The following SLC25A16 variants were observed in gnomAD, a reference collection of about 807,000 sequenced individuals.
SLC25A16 encodes the protein mitochondrial coenzyme A transporter SLC25A16.
A neutral mutation model predicts 41.5 loss-of-function variants in SLC25A16; 39 were observed. That is an observed-to-expected ratio of 0.94 (90% CI 0.73 to 1.23). The LOEUF is 1.23. SLC25A16 is among the 50% of genes most tolerant of loss of function. SLC25A16 has a pLI of 0.00. For missense variants in SLC25A16, 421 were observed against 426.9 expected, an observed-to-expected ratio of 0.99 and a Z score of 0.12; for synonymous variants, 146 against 147.8, an observed-to-expected ratio of 0.99 and a Z score of 0.09.
At chr10:68,492,816 C>A (rs553262362) in intron 6 of SLC25A16, among the ~76,000 whole-genome samples, 66 of 152,148 alleles carry the variant, frequency 4.3e-4, no homozygotes, top group African/African-American at 1.6e-3. Context: ...TATAATGAGA[C>A]AAAAACCACT....
chr10:68,521,179 T>C (rs189491290), intron 1 of SLC25A16, among the ~76,000 whole-genome samples: 125 of 151,642 alleles, frequency 8.2e-4, no homozygotes, highest in African/African-American at 2.9e-3. Flanking sequence ...ACATTTAATA[T>C]CAAGTGCCAA....
rs899566566 is a variant in SLC25A16, at chr10:68,479,697, G to C, written c.*3735C>G. Reference sequence around the variant, plus strand: ...CGGGTGCTTGTAACCCCAGCTACTCGGGAGGCTGAAGCAGGAGAATCGCTA... The same window carrying C: ...CGGGTGCTTGTAACCCCAGCTACTCCGGAGGCTGAAGCAGGAGAATCGCTA... On this transcript the variant is annotated 3_prime_UTR_variant, in exon 9 of 9. Transcript: ENST00000609923. 1.3e-5 allele frequency: 2 copies of C among 152,238 alleles called. No homozygotes were observed. Among genetic ancestry groups the C allele is most frequent in the Non-Finnish European group, 2.9e-5 (2 of 68,238 alleles). The allele number at this position is 152,238 out of a possible 1,614,324, so 9.4% of individuals were successfully genotyped here.
At chr10:68,506,405 G>T (rs1303162428) in intron 3 of SLC25A16, among the ~76,000 whole-genome samples, 180 bp downstream of exon 3, 1 of 151,106 alleles carries the variant, frequency 6.6e-6, no homozygotes, top group Non-Finnish European at 1.5e-5. Flanking sequence ...TCAAAATCGT[G>T]CCACTGTACC....
rs2052650914 is a variant in SLC25A16, at chr10:68,491,170, TGCCTG to T, written c.610+1957_610+1961del. 2.0e-5 allele frequency among the ~76,000 whole-genome samples: 3 copies of T among 151,696 alleles called. No homozygotes were observed. In the South Asian group the frequency reaches 6.2e-4, roughly 32 times the overall value. On this transcript the variant is annotated intron_variant, in intron 6 of 8. Transcript: ENST00000609923. ...CTGGGATTATAGGTGTGAGCCACCATGCCTGGCCACACCACATTTTAGTTTGCTAT... is the reference window on the plus strand; with the variant it reads ...CTGGGATTATAGGTGTGAGCCACCATGCCACACCACATTTTAGTTTGCTAT...
At chr10:68,509,469 C>T (rs1282885512) in intron 2 of SLC25A16, among the ~76,000 whole-genome samples, 2 of 151,994 alleles carry the variant, frequency 1.3e-5, no homozygotes, top group African/African-American at 4.8e-5. Flanking sequence ...AATCTGAGCA[C>T]TTTGTGGGGC....
chr10:68,483,488 G>T lies in SLC25A16; in HGVS notation c.943C>A (p.Gln315Lys), dbSNP rs767505383. ...TCGTATGTTGTAAAAGCCACTGCTT[G>T]AGAGGGAATACAGCGAATGTAATTA... The part of the protein sequence containing the change: ...SLNYIRCIPS[Q>K]AVAFTTYELM... The change falls in exon 9 of 9, where the codon CAA becomes AAA. Residue 315 changes from glutamine (Q) to lysine (K), a missense_variant. Coordinates refer to ENST00000609923, the MANE Select transcript of SLC25A16 (RefSeq NM_152707.4). 3.7e-6 allele frequency: 6 copies of T among 1,612,546 alleles called. No individual in the cohort carries two copies. The East Asian group carries it at 1.3e-4, about 36-fold the overall frequency.
intron 2 of SLC25A16, among the ~76,000 whole-genome samples, chr10:68,507,391 A>T (rs2052976400): frequency 6.6e-6 from 1 of 152,020 alleles, no homozygotes. Context: ...TCTACTCTTT[A>T]TCTGGAAGGA....
intron 8 of SLC25A16, 161 bp downstream of exon 8, chr10:68,486,977 AAAAAAG>A: frequency 7.3e-6 from 3 of 412,260 alleles, no homozygotes; most frequent in Admixed American, 4.2e-5. Flanking sequence ...AAAAAAAAAA[AAAAAAG>A]AACCTGATTG....
Position 68,483,334 on chromosome 10 carries a change from TA to T in SLC25A16, c.*97del. 2 of 777,402 alleles carry T rather than the reference TA, an allele frequency of 2.6e-6. No homozygotes were observed. The highest frequency in any genetic ancestry group is 4.0e-6 in the Non-Finnish European group (2 of 499,624). The allele number at this position is 777,402 out of a possible 1,614,324, so 48.2% of individuals were successfully genotyped here. ...AATACCAGTGGCTCTTGTGACAGGG[TA>T]AATATCCCCATTCAAGTAATGTTCC... On this transcript the variant is annotated 3_prime_UTR_variant, in exon 9 of 9. Transcript: ENST00000609923.
chr10:68,488,646 A>T lies in SLC25A16; in HGVS notation c.611-17T>A. On this transcript the variant is annotated splice_polypyrimidine_tract_variant and intron_variant, in intron 6 of 8. Coordinates refer to ENST00000609923, the MANE Select transcript of SLC25A16 (RefSeq NM_152707.4). ...ATGAAACACCTGAAAAACAAAAAAT[A>T]AATTCACCATGATGCTTAACATAAC... is the stretch of plus-strand genomic sequence containing the variant. 6.2e-7 allele frequency: 1 copy of T among 1,602,804 alleles called. No homozygotes were observed. Among genetic ancestry groups the T allele is most frequent in the Non-Finnish European group, 8.5e-7 (1 of 1,172,032 alleles).
chr10:68,519,050 G>A (rs1200902002), intron 1 of SLC25A16, among the ~76,000 whole-genome samples: 1 of 151,572 alleles, frequency 6.6e-6, no homozygotes, highest in Non-Finnish European at 1.5e-5. Context: ...AAATTAGCTG[G>A]GTGTGATGAC....
intron 7 of SLC25A16, among the ~76,000 whole-genome samples, chr10:68,487,416 G>A (rs531418136): frequency 6.6e-6 from 1 of 152,124 alleles, no homozygotes; most frequent in Non-Finnish European, 1.5e-5. Flanking sequence ...CTGATTAGAG[G>A]ATTCTTCTCT....
chr10:68,506,771 A>C, intron 2 of SLC25A16, 53 bp from the exon 3 acceptor site: 1 of 1,179,966 alleles, frequency 8.5e-7, no homozygotes. Context: ...CTAAACCTAA[A>C]TTTTCATGAC....
chr10:68,522,416 A>G (rs2053264508), intron 1 of SLC25A16, among the ~76,000 whole-genome samples: 1 of 151,304 alleles, frequency 6.6e-6, no homozygotes, highest in East Asian at 1.9e-4. Flanking sequence ...ACAGTGGCTC[A>G]TGCCTGTAAT....
At chr10:68,516,980 T>C (rs1009385894) in intron 1 of SLC25A16, 137 bp from the exon 2 acceptor site, 16 of 976,680 alleles carry the variant, frequency 1.6e-5, no homozygotes, top group Middle Eastern at 2.8e-4. Flanking sequence ...CGTATAGATA[T>C]GCAGATGACT....
In SLC25A16 at chr10:68,527,428, C is replaced by T; in HGVS notation, c.-53G>A. On this transcript the variant is annotated 5_prime_UTR_variant, in exon 1 of 9. Transcript: ENST00000609923. ...GGTTGCCAACTTACAGAACACCGGA[C>T]GGGACCATAGCCGGAACAGGCGGTG... 2.1e-6 allele frequency: 3 copies of T among 1,419,202 alleles called. No homozygotes were observed. Among genetic ancestry groups the T allele is most frequent in the East Asian group, 2.8e-5 (1 of 35,412 alleles). The allele number at this position is 1,419,202 out of a possible 1,614,324, so 87.9% of individuals were successfully genotyped here.
Position 68,501,230 on chromosome 10 carries a change from G to A in SLC25A16, c.421+2402C>T, listed in dbSNP as rs1287015179. Among the ~76,000 whole-genome samples, 5 of 151,842 alleles carry A rather than the reference G, an allele frequency of 3.3e-5. No homozygotes were observed. The East Asian group carries it at 9.7e-4, about 29-fold the overall frequency. ...TGTGCCACTGCACTCCAACCTGGGC[G>A]ACAGAGAGGGACTCCATCTCAAAAA... On this transcript the variant is annotated intron_variant, in intron 4 of 8. Coordinates refer to ENST00000609923, the MANE Select transcript of SLC25A16 (RefSeq NM_152707.4).
intron 8 of SLC25A16, 119 bp from the exon 9 acceptor site, chr10:68,483,707 G>T: frequency 2.6e-6 from 2 of 766,654 alleles, no homozygotes; most frequent in Non-Finnish European, 3.9e-6. Context: ...CCAGATGGGA[G>T]TGTGGATTGC....
At chr10:68,491,281 C>T (rs572937970) in intron 6 of SLC25A16, among the ~76,000 whole-genome samples, 2 of 151,326 alleles carry the variant, frequency 1.3e-5, no homozygotes, top group African/African-American at 4.9e-5. Context: ...GACTGGAGTG[C>T]GATGGTGCAA....
Sources: allele counts gnomAD v4.1 joint callset (sites outside exome capture counted in the v4.1 genomes callset), GRCh38; gene constraint gnomAD v4.1.1; transcripts MANE v1.5; gene names NCBI Gene and HGNC (gene_info 2026-07-23, HGNC 2026-07-21).